DNAJC3: variants seen among roughly 807,000 people sequenced by gnomAD.
DNAJC3 encodes the protein DnaJ heat shock protein family (Hsp40) member C3, also known as dnaJ homolog subfamily C member 3.
DNAJC3 carries 38 observed loss-of-function variants against 68.6 expected under a neutral mutation model. The ratio of observed to expected loss-of-function variants is 0.55; its 90% confidence interval spans 0.43 to 0.73. The LOEUF (loss-of-function observed/expected upper bound fraction) is 0.73, where lower values mean the gene tolerates loss of function less well. DNAJC3 is among the 30% of genes least tolerant of loss of function. The pLI, the probability that DNAJC3 is intolerant of heterozygous loss-of-function variation, is 0.00. For missense variants in DNAJC3, 526 were observed against 591.9 expected, an observed-to-expected ratio of 0.89 and a Z score of 1.16; for synonymous variants, 203 against 204.0, an observed-to-expected ratio of 1.00 and a Z score of 0.04.
chr13:95,776,850 A>C (rs1316105221), intron 9 of DNAJC3, among the ~76,000 whole-genome samples: 1 of 152,166 alleles, frequency 6.6e-6, no homozygotes, highest in Non-Finnish European at 1.5e-5. Flanking sequence ...CAGCTGATGT[A>C]GGTGGGAATG....
At chr13:95,759,833 A>C (rs937682067) in intron 5 of DNAJC3, among the ~76,000 whole-genome samples, 1 of 152,226 alleles carries the variant, frequency 6.6e-6, no homozygotes, top group African/African-American at 2.4e-5. Context: ...ATTCATTTAC[A>C]ACATTTTTGG....
intron 9 of DNAJC3, among the ~76,000 whole-genome samples, chr13:95,766,768 C>T (rs577749560): frequency 1.3e-4 from 20 of 150,074 alleles, no homozygotes; most frequent in Middle Eastern, 3.4e-3. Context: ...GATCTCGGTT[C>T]ACTGCAACTT....
chr13:95,733,940 T>C (rs1252487817), intron 4 of DNAJC3, among the ~76,000 whole-genome samples: 1 of 152,174 alleles, frequency 6.6e-6, no homozygotes, highest in Non-Finnish European at 1.5e-5. Flanking sequence ...AAATTTAATC[T>C]GTTTAAATAA....
chr13:95,770,707 G>A (rs1883133662), intron 9 of DNAJC3, among the ~76,000 whole-genome samples: 1 of 152,180 alleles, frequency 6.6e-6, no homozygotes, highest in Non-Finnish European at 1.5e-5. Context: ...GTGATCTAGT[G>A]TAGGAAGTAG....
intron 2 of DNAJC3, among the ~76,000 whole-genome samples, chr13:95,717,826 C>G (rs1881200981): frequency 6.6e-6 from 1 of 152,204 alleles, no homozygotes; most frequent in Non-Finnish European, 1.5e-5. Context: ...GTCCATTAAA[C>G]CTCTTTTTTT....
At chr13:95,775,986 T>TA (rs1402536031) in intron 9 of DNAJC3, among the ~76,000 whole-genome samples, 1 of 151,922 alleles carries the variant, frequency 6.6e-6, no homozygotes, top group African/African-American at 2.4e-5. Context: ...AGATACTCTT[T>TA]TTATATATAT....
At chr13:95,709,628 C>CTTTTT (rs955053415) in intron 2 of DNAJC3, among the ~76,000 whole-genome samples, 32 of 112,168 alleles carry the variant, frequency 2.9e-4, no homozygotes, top group African/African-American at 3.6e-4. Flanking sequence ...TGGCTTCTGA[C>CTTTTT]TTTTTTTTTT....
Position 95,793,855 on chromosome 13 carries a change from G to A in DNAJC3, c.*2825G>A, listed in dbSNP as rs1310015695. The A allele has an allele frequency of 6.6e-6, 1 of 152,224 alleles. No individual in the cohort carries two copies. Among genetic ancestry groups the A allele is most frequent in the Non-Finnish European group, 1.5e-5 (1 of 68,124 alleles). The allele number at this position is 152,224 out of a possible 1,614,324, so 9.4% of individuals were successfully genotyped here. A position where few individuals can be genotyped will look rare whatever the true frequency, so the allele number is the denominator to read the frequency against. On this transcript the variant is annotated 3_prime_UTR_variant, in exon 12 of 12. Transcript: ENST00000602402. Reference sequence around the variant, plus strand: ...GTATTCTGCTCTTCTTTCCTTTTTGGTGAGCTTCATGGGTGGAGTTATCAG... The same window carrying A: ...GTATTCTGCTCTTCTTTCCTTTTTGATGAGCTTCATGGGTGGAGTTATCAG...
intron 2 of DNAJC3, among the ~76,000 whole-genome samples, chr13:95,715,906 C>G (rs1881128097): frequency 6.6e-6 from 1 of 151,984 alleles, no homozygotes; most frequent in African/African-American, 2.4e-5. Flanking sequence ...CCTGTAATCC[C>G]AGCACTTTGG....
At chr13:95,760,538 T>A in intron 6 of DNAJC3, 141 bp from the exon 7 acceptor site, 4 of 1,069,198 alleles carry the variant, frequency 3.7e-6, no homozygotes, top group Non-Finnish European at 5.2e-6. Context: ...CACGTATAAA[T>A]GTATATAGTA....
chr13:95,740,215 G>C (rs1882083276), intron 4 of DNAJC3, among the ~76,000 whole-genome samples: 1 of 152,228 alleles, frequency 6.6e-6, no homozygotes, highest in African/African-American at 2.4e-5. Context: ...TCTCTTCAAA[G>C]CTGTCAGACA....
intron 4 of DNAJC3, among the ~76,000 whole-genome samples, chr13:95,746,248 C>T (rs1417969550): frequency 3.9e-5 from 6 of 152,132 alleles, no homozygotes; most frequent in African/African-American, 1.2e-4. Flanking sequence ...CTACTATCTG[C>T]ATAAATGTAA....
chr13:95,775,524 T>A (rs1883269542), intron 9 of DNAJC3, among the ~76,000 whole-genome samples: 1 of 152,238 alleles, frequency 6.6e-6, no homozygotes, highest in African/African-American at 2.4e-5. Context: ...CTGTCACCTT[T>A]AGATAGCATC....
intron 1 of DNAJC3, among the ~76,000 whole-genome samples, chr13:95,705,317 T>G (rs1880703208): frequency 6.6e-6 from 1 of 152,162 alleles, no homozygotes; most frequent in South Asian, 2.1e-4. Flanking sequence ...TGCATTGATG[T>G]GCCCACCTAG....
intron 9 of DNAJC3, among the ~76,000 whole-genome samples, chr13:95,784,666 A>G (rs1883544414): frequency 6.6e-6 from 1 of 152,152 alleles, no homozygotes; most frequent in Admixed American, 6.5e-5. Context: ...CTTACCATGG[A>G]ATGTTGGGAA....
In DNAJC3 at chr13:95,723,379, C is replaced by A; in HGVS notation, c.318+13C>A. On this transcript the variant is annotated intron_variant, in intron 3 of 11. Coordinates refer to ENST00000602402, the MANE Select transcript of DNAJC3 (RefSeq NM_006260.5). ...GGACTTCACTGCAGTAAGTATATCTCAACTTTCTTTAAAGGGGAACTTAAC... is the reference window on the plus strand; with the variant it reads ...GGACTTCACTGCAGTAAGTATATCTAAACTTTCTTTAAAGGGGAACTTAAC... 6.2e-7 allele frequency: 1 copy of A among 1,601,988 alleles called. No homozygotes were observed. The highest frequency in any genetic ancestry group is 1.1e-5 in the South Asian group (1 of 89,402).
intron 9 of DNAJC3, among the ~76,000 whole-genome samples, chr13:95,780,316 CCT>C (rs887629283): frequency 2.0e-5 from 3 of 152,140 alleles, no homozygotes; most frequent in Admixed American, 1.3e-4. Context: ...TTCACTGTTC[CCT>C]CTCACTGTAT....
At chr13:95,780,507 TCTCA>T (rs1303526862) in intron 9 of DNAJC3, among the ~76,000 whole-genome samples, 4 of 152,222 alleles carry the variant, frequency 2.6e-5, no homozygotes, top group African/African-American at 9.6e-5. Flanking sequence ...CATTTGGCTT[TCTCA>T]CTATTTGCTT....
intron 9 of DNAJC3, among the ~76,000 whole-genome samples, chr13:95,774,656 A>G (rs1226289836): frequency 6.6e-6 from 1 of 152,202 alleles, no homozygotes; most frequent in African/African-American, 2.4e-5. Flanking sequence ...AAGCTCTGCT[A>G]TTAGCAGCCT....
Sources: allele counts gnomAD v4.1 joint callset (sites outside exome capture counted in the v4.1 genomes callset), GRCh38; gene constraint gnomAD v4.1.1; transcripts MANE v1.5; gene names NCBI Gene and HGNC (gene_info 2026-07-23, HGNC 2026-07-21).